Variants in GUF1 observed in about 807,000 individuals in gnomAD.
GUF1 encodes GTP binding elongation factor GUF1, also known as translation factor GUF1, mitochondrial.
In GUF1, 78 loss-of-function variants were observed where a neutral mutation model predicts 82.4. The ratio of observed to expected loss-of-function variants is 0.95; its 90% CI spans 0.79 to 1.14. The LOEUF is 1.14. Ranked by LOEUF, GUF1 falls within the 50% of genes most tolerant of loss-of-function variation. The pLI is 0.00. For missense variants in GUF1, 814 were observed against 798.2 expected (o/e 1.02, Z -0.24); for synonymous variants, 279 against 282.3 (o/e 0.99, Z 0.12).
rs750917071 is a variant in GUF1, at chr4:44,680,539, C to T, written c.264C>T (p.Leu88=). ...GCAAAAGTACTTTAGCTGACAGGCT[C>T]CTAGAACTTACAGGTATTTCATTTA... ...DHGKSTLADR[L]LELTGTIDKT... Residue 88 remains leucine (L), a synonymous_variant, in exon 2 of 17, where the codon CTC becomes CTT. Transcript: ENST00000281543. The T allele has an allele frequency of 6.2e-6, 10 of 1,600,854 alleles. No individual in the cohort carries two copies. The highest frequency in any genetic ancestry group is 4.0e-5 in the African/African-American group (3 of 74,514).
At chr4:44,688,949 ATGTCTTGTGCTTT>A (rs774095011) in intron 9 of GUF1, among the ~76,000 whole-genome samples, 2 of 151,750 alleles carry the variant, frequency 1.3e-5, no homozygotes, top group Non-Finnish European at 1.5e-5. Context: ...GGGTTGTGGA[ATGTCTTGTGCTTT>A]TGTTTTTGAA....
chr4:44,681,760 G>A (rs1430963751), intron 4 of GUF1, among the ~76,000 whole-genome samples: 1 of 151,906 alleles, frequency 6.6e-6, no homozygotes, highest in African/African-American at 2.4e-5. Context: ...TTTTAGTGGT[G>A]GTGGTGACCG....
rs940943087 is a variant in GUF1, at chr4:44,699,720, A to T, written c.*1039A>T. The T allele has an allele frequency of 6.6e-6, 1 of 152,240 alleles. No individual in the cohort carries two copies. The highest frequency in any genetic ancestry group is 2.4e-5 in the African/African-American group (1 of 41,466). 9.4% of individuals were successfully genotyped at this position (152,240 alleles called of 1,614,324 possible). Reference sequence around the variant, plus strand: ...ATAACATAGACATCAAATAACAGACATCTGCTCTAGTTAATGATAAAATGT... The same window carrying T: ...ATAACATAGACATCAAATAACAGACTTCTGCTCTAGTTAATGATAAAATGT... On this transcript the variant is annotated 3_prime_UTR_variant, in exon 17 of 17. Coordinates refer to ENST00000281543, the MANE Select transcript of GUF1 (RefSeq NM_021927.3).
At chr4:44,692,720 A>T (rs1362647583) in intron 13 of GUF1, among the ~76,000 whole-genome samples, 2 of 151,938 alleles carry the variant, frequency 1.3e-5, no homozygotes, top group African/African-American at 4.8e-5. Context: ...GTTCCTTTGT[A>T]TTGAGAATTT....
At chr4:44,688,435 T>TTA (rs1304355578) in intron 9 of GUF1, among the ~76,000 whole-genome samples, 1 of 151,896 alleles carries the variant, frequency 6.6e-6, no homozygotes. Flanking sequence ...GAGTTCATTA[T>TTA]TATATTTGAA....
At position 44,689,989 on chromosome 4, in the gene GUF1, A is replaced by AGTACTG. The variant is rs754982260; in HGVS notation, c.1335+18_1335+23dup. The AGTACTG allele has an allele frequency of 6.4e-6, 10 of 1,555,854 alleles. No individual in the cohort carries two copies. In the African/African-American group the frequency reaches 1.4e-4, roughly 21 times the overall value. On this transcript the variant is annotated intron_variant, in intron 11 of 16. Coordinates refer to ENST00000281543, the MANE Select transcript of GUF1 (RefSeq NM_021927.3). The stretch of plus-strand genomic sequence containing the variant: ...AAATTGATAAAGGTACTTGGTATTT[A>AGTACTG]GTACTGGTATTTAGTACTGTTTTGC...
chr4:44,688,178 C>A, intron 9 of GUF1, 32 bp downstream of exon 9: 1 of 1,564,084 alleles, frequency 6.4e-7, no homozygotes, highest in Non-Finnish European at 8.6e-7. Flanking sequence ...AGGTTGAGGG[C>A]CATGATATTT....
Position 44,698,920 on chromosome 4 carries a change from T to C in GUF1, c.*239T>C, listed in dbSNP as rs977714187. The C allele has an allele frequency of 4.4e-5, 17 of 384,172 alleles. No homozygotes were observed. Among genetic ancestry groups the C allele is most frequent in the Admixed American group, 8.8e-5 (2 of 22,738 alleles). The allele number at this position is 384,172 out of a possible 1,614,324, so 23.8% of individuals were successfully genotyped here. A position where few individuals can be genotyped will look rare whatever the true frequency, so the allele number is the denominator to read the frequency against. On this transcript the variant is annotated 3_prime_UTR_variant, in exon 17 of 17. Transcript: ENST00000281543. Reference sequence around the variant, plus strand: ...GTGACCGTGGCCAGATTAACCTTTGTTTCCTCTTCAGTAAAATCGAGATTA... The same window carrying C: ...GTGACCGTGGCCAGATTAACCTTTGCTTCCTCTTCAGTAAAATCGAGATTA...
chr4:44,685,294 T>G (rs1295679025), intron 6 of GUF1, among the ~76,000 whole-genome samples: 1 of 152,142 alleles, frequency 6.6e-6, no homozygotes. Context: ...CCCTGGTTGC[T>G]GCTGAACATC....
chr4:44,689,714 A>T, intron 10 of GUF1, 129 bp from the exon 11 acceptor site: 4 of 743,306 alleles, frequency 5.4e-6, no homozygotes, highest in Non-Finnish European at 8.2e-6. Context: ...CTAGCATTTA[A>T]TTATATTGTG....
At chr4:44,696,963 G>C (rs937421682) in intron 15 of GUF1, among the ~76,000 whole-genome samples, 2 of 152,142 alleles carry the variant, frequency 1.3e-5, no homozygotes, top group African/African-American at 4.8e-5. Context: ...TGCTGGGGTG[G>C]ATATATCAAG....
chr4:44,688,411 CTTA>C (rs1715204799), intron 9 of GUF1, among the ~76,000 whole-genome samples: 1 of 151,358 alleles, frequency 6.6e-6, no homozygotes, highest in Admixed American at 6.6e-5. Context: ...AAATTTCTTT[CTTA>C]TTTTTCTAGG....
Position 44,689,515 on chromosome 4 carries a change from A to G in GUF1, c.1202+106A>G, listed in dbSNP as rs115148939. On this transcript the variant is annotated intron_variant, in intron 10 of 16. Transcript: ENST00000281543. ...GTTTTTAAAAAATATCTTTATAAGT[A>G]AGGGAGGTATAAAATGGTGCATTGT... 8,633 of 1,241,186 alleles carry G rather than the reference A, an allele frequency of 7.0e-3. 58 individuals carry two copies. Among genetic ancestry groups the G allele is most frequent in the Middle Eastern group, 8.1e-3 (40 of 4,938 alleles). The allele number at this position is 1,241,186 out of a possible 1,614,324, so 76.9% of individuals were successfully genotyped here.
chr4:44,679,901 T>G (rs1714663863), intron 1 of GUF1, among the ~76,000 whole-genome samples: 1 of 152,212 alleles, frequency 6.6e-6, no homozygotes. Flanking sequence ...TTTTAAGTTT[T>G]AAGTGATAAG....
In GUF1 at chr4:44,678,439, C is replaced by A; in HGVS notation, c.-184C>A. On this transcript the variant is annotated 5_prime_UTR_variant, in exon 1 of 17. Transcript: ENST00000281543. ...GCGTGCAGACGTCGGCAAGCTGCGC[C>A]GCCGCTTCGGGTTGCTTCCGGATCT... The A allele has an allele frequency of 4.0e-6, 2 of 502,666 alleles. No individual in the cohort carries two copies. The highest frequency in any genetic ancestry group is 6.6e-6 in the Non-Finnish European group (2 of 301,322). The allele number at this position is 502,666 out of a possible 1,614,324, so 31.1% of individuals were successfully genotyped here. A position where few individuals can be genotyped will look rare whatever the true frequency, so the allele number is the denominator to read the frequency against.
At position 44,680,541 on chromosome 4, in the gene GUF1, T is replaced by C. The variant is rs1347070347; in HGVS notation, c.266T>C (p.Leu89Pro). The change falls in exon 2 of 17, where the codon CTA (leucine) becomes CCA (proline). Residue 89 changes from leucine to proline, a missense_variant. By Grantham distance (98) the Leu-to-Pro change is moderately conservative. Coordinates refer to ENST00000281543, the MANE Select transcript of GUF1 (RefSeq NM_021927.3). ...HGKSTLADRL[L>P]ELTGTIDKTK... ...AAAAGTACTTTAGCTGACAGGCTCC[T>C]AGAACTTACAGGTATTTCATTTATG... is the stretch of plus-strand genomic sequence containing the variant. 1.3e-6 allele frequency: 2 copies of C among 1,599,780 alleles called. No individual in the cohort carries two copies. The highest frequency in any genetic ancestry group is 1.7e-6 in the Non-Finnish European group (2 of 1,170,086).
At chr4:44,687,333 G>A (rs1715115802) in intron 8 of GUF1, among the ~76,000 whole-genome samples, 1 of 151,908 alleles carries the variant, frequency 6.6e-6, no homozygotes, top group Admixed American at 6.6e-5. Flanking sequence ...ACATTTGAGT[G>A]TTTAGTGTTA....
Position 44,678,555 on chromosome 4 carries a change from C to A in GUF1, c.-68C>A. 19 of 1,297,746 alleles carry A rather than the reference C, an allele frequency of 1.5e-5. No individual in the cohort carries two copies. Among genetic ancestry groups the A allele is most frequent in the Non-Finnish European group, 1.9e-5 (19 of 992,904 alleles). The allele number at this position is 1,297,746 out of a possible 1,614,324, so 80.4% of individuals were successfully genotyped here. A position where few individuals can be genotyped will look rare whatever the true frequency, so the allele number is the denominator to read the frequency against. ...CACCGGATCCTACGGGGGGTACCTT[C>A]GAAAAAAAACGGGCTATGCTGCTGT... On this transcript the variant is annotated 5_prime_UTR_variant, in exon 1 of 17. Transcript: ENST00000281543.
At chr4:44,695,069 G>C (rs1466790782) in intron 14 of GUF1, among the ~76,000 whole-genome samples, 1 of 152,126 alleles carries the variant, frequency 6.6e-6, no homozygotes, top group East Asian at 1.9e-4. Flanking sequence ...CTCCCAAAGT[G>C]CTGGATTTAC....
Sources: gnomAD v4.1 joint callset for allele counts (sites outside exome capture counted in the v4.1 genomes callset) on GRCh38, gnomAD v4.1.1 for gene constraint, MANE v1.5 for transcripts, NCBI Gene and HGNC (gene_info 2026-07-23, HGNC 2026-07-21) for gene names.